TNRC6A: variants seen among roughly 807,000 people sequenced by gnomAD.
TNRC6A encodes trinucleotide repeat containing adaptor 6A, also known as trinucleotide repeat-containing gene 6A protein.
TNRC6A carries 44 observed loss-of-function variants against 221.2 expected under a neutral mutation model. That is an observed-to-expected ratio of 0.20 (90% CI 0.16 to 0.26). TNRC6A has a LOEUF of 0.26. Among genes scored for constraint, TNRC6A ranks in the 10% least tolerant of loss-of-function variants. The probability of loss-of-function intolerance (pLI) is 1.00; values close to 1 mark genes in which losing one functional copy is unlikely to be tolerated. For missense variants in TNRC6A, 2,199 were observed against 2,404.4 expected (o/e 0.91, Z 1.79); for synonymous variants, 847 against 838.5 (o/e 1.01, Z -0.18).
chr16:24,618,787 C>T (rs1366182450), intron 1 of TNRC6A, among the ~76,000 whole-genome samples: 2 of 149,916 alleles, frequency 1.3e-5, no homozygotes, highest in African/African-American at 4.9e-5. Flanking sequence ...CATGCCACCA[C>T]ACCTGGCTAT....
At chr16:24,700,242 CTTT>C (rs904319866) in intron 2 of TNRC6A, among the ~76,000 whole-genome samples, 4 of 148,888 alleles carry the variant, frequency 2.7e-5, no homozygotes, top group Admixed American at 1.3e-4. Flanking sequence ...CTGAATTTTT[CTTT>C]TTTTTTTTGA....
intron 4 of TNRC6A, among the ~76,000 whole-genome samples, chr16:24,762,909 C>T (rs191409660): frequency 5.9e-5 from 9 of 152,266 alleles, no homozygotes; most frequent in Non-Finnish European, 1.2e-4. Flanking sequence ...ACTAAAACAA[C>T]TCATCTTTTA....
At position 24,641,476 on chromosome 16, in the gene TNRC6A, C is replaced by T. The variant is rs568882265; in HGVS notation, n.402+467C>T. ...AGCTGGTAGGAGGGGTCTGCTGGAT[C>T]CGTATGGCATCACCTGGGTTAGTGG... On this transcript the variant is annotated intron_variant and non_coding_transcript_variant, in intron 2 of 2. Coordinates refer to the TNRC6A transcript ENST00000566108. Among the ~76,000 whole-genome samples, 51 of 152,170 alleles carry T rather than the reference C, an allele frequency of 3.4e-4. No individual in the cohort carries two copies. In the South Asian group the frequency reaches 0.01, roughly 30 times the overall value.
chr16:24,763,522 C>T (rs967163760), intron 4 of TNRC6A, among the ~76,000 whole-genome samples: 12 of 152,140 alleles, frequency 7.9e-5, no homozygotes, highest in Non-Finnish European at 1.5e-5. Flanking sequence ...TCATCACTGC[C>T]AGTATCATCC....
intron 2 of TNRC6A, among the ~76,000 whole-genome samples, chr16:24,686,767 T>C (rs779619957): frequency 6.6e-6 from 1 of 152,170 alleles, no homozygotes; most frequent in Non-Finnish European, 1.5e-5. Context: ...AGGGGTGGTA[T>C]GGCGTCACCG....
At chr16:24,625,417 G>A (rs1026059711) in intron 1 of TNRC6A, among the ~76,000 whole-genome samples, 1 of 151,972 alleles carries the variant, frequency 6.6e-6, no homozygotes, top group African/African-American at 2.4e-5. Context: ...TTCGAGACCA[G>A]CCTGACCAAC....
intron 2 of TNRC6A, among the ~76,000 whole-genome samples, chr16:24,699,201 C>G (rs1025937170): frequency 1.3e-5 from 2 of 152,114 alleles, no homozygotes; most frequent in African/African-American, 4.8e-5. Flanking sequence ...TGTGTATGTG[C>G]CATGAACTGG....
Position 24,729,750 on chromosome 16 carries a change from A to G in TNRC6A, c.-92A>G. 1 of 1,299,644 alleles carries G rather than the reference A, an allele frequency of 7.7e-7. No individual in the cohort carries two copies. Among genetic ancestry groups the G allele is most frequent in the Non-Finnish European group, 9.8e-7 (1 of 1,017,076 alleles). The allele number at this position is 1,299,644 out of a possible 1,614,324, so 80.5% of individuals were successfully genotyped here. On this transcript the variant is annotated 5_prime_UTR_variant, in exon 1 of 25. Transcript: ENST00000395799. ...TCGGTGTAGAAAATGGCGCTGGTGC[A>G]GCGGCTCGGGCCTCTCCCCGCGGCG...
In TNRC6A at chr16:24,777,285, G is replaced by A. The variant is rs1429786033; in HGVS notation, c.516G>A (p.Gln172=). The A allele has an allele frequency of 1.9e-6, 3 of 1,614,060 alleles. No individual in the cohort carries two copies. Among genetic ancestry groups the A allele is most frequent in the African/African-American group, 2.7e-5 (2 of 74,924 alleles). ...LGSAVKVLNS[Q]SESSALTNQQ... ...CTGCTGTTAAGGTGTTAAACAGCCA[G>A]TCAGAAAGCAGTGCTTTAACAAATC... Residue 172 remains glutamine (Q), a synonymous_variant, in exon 5 of 25, where the codon CAG becomes CAA. Coordinates refer to ENST00000395799, the MANE Select transcript of TNRC6A (RefSeq NM_014494.4).
intron 1 of TNRC6A, among the ~76,000 whole-genome samples, chr16:24,638,246 C>T (rs1901742953): frequency 6.7e-6 from 1 of 149,150 alleles, no homozygotes; most frequent in Non-Finnish European, 1.5e-5. Context: ...AGTGAGACCC[C>T]ATCTCTACCA....
chr16:24,751,086 A>G (rs1343341940), intron 3 of TNRC6A, among the ~76,000 whole-genome samples: 1 of 152,190 alleles, frequency 6.6e-6, no homozygotes, highest in Admixed American at 6.5e-5. Context: ...GTTTCATAAT[A>G]TATCATTTTA....
At position 24,823,831 on chromosome 16, in the gene TNRC6A, C is replaced by T; in HGVS notation, c.*24C>T. On this transcript the variant is annotated 3_prime_UTR_variant, in exon 25 of 25. Transcript: ENST00000395799. This position sits in a 1 kb window ranked among gnomAD's most constrained non-coding sequence, Gnocchi z 4.3. ...AACAGTGTAGATGCAGACTCACCGA[C>T]CGGGACCTCAGACGCGAGGGAAAGG... is the stretch of plus-strand genomic sequence containing the variant. The T allele has an allele frequency of 7.3e-7, 1 of 1,370,670 alleles. No homozygotes were observed. The highest frequency in any genetic ancestry group is 9.5e-7 in the Non-Finnish European group (1 of 1,056,996). The allele number at this position is 1,370,670 out of a possible 1,614,324, so 84.9% of individuals were successfully genotyped here. A position where few individuals can be genotyped will look rare whatever the true frequency, so the allele number is the denominator to read the frequency against.
At chr16:24,766,051 TG>T (rs760388571) in intron 4 of TNRC6A, among the ~76,000 whole-genome samples, 2 of 152,282 alleles carry the variant, frequency 1.3e-5, no homozygotes, top group South Asian at 2.1e-4. Context: ...GAAGTAGATA[TG>T]AAAAAAACAT....
At chr16:24,740,941 A>G (rs1454779909) in intron 2 of TNRC6A, among the ~76,000 whole-genome samples, 3 of 152,156 alleles carry the variant, frequency 2.0e-5, no homozygotes, top group Non-Finnish European at 4.4e-5. Flanking sequence ...AGTGTCCTCA[A>G]GATTTGTCCA....
chr16:24,651,559 A>AC (rs1567326221), intron 2 of TNRC6A, among the ~76,000 whole-genome samples: 2 of 139,928 alleles, frequency 1.4e-5, no homozygotes, highest in Non-Finnish European at 3.1e-5. Flanking sequence ...AAAAAAAAAA[A>AC]AAAAACATAA....
intron 2 of TNRC6A, among the ~76,000 whole-genome samples, chr16:24,722,426 T>TTTAC (rs201621104): frequency 2.6e-5 from 2 of 77,886 alleles, no homozygotes; most frequent in African/African-American, 1.1e-4. Context: ...TATTTATTTA[T>TTTAC]TTACTTATTT....
At chr16:24,661,032 C>A (rs964008255) in intron 2 of TNRC6A, among the ~76,000 whole-genome samples, 1 of 152,028 alleles carries the variant, frequency 6.6e-6, no homozygotes, top group African/African-American at 2.4e-5. Context: ...TGAGCCACCA[C>A]GCCCTGCCCA....
At chr16:24,626,806 C>T (rs1901028953) in intron 1 of TNRC6A, among the ~76,000 whole-genome samples, 3 of 151,846 alleles carry the variant, frequency 2.0e-5, no homozygotes, top group South Asian at 2.1e-4. Flanking sequence ...CCCACCACCA[C>T]GCCCGGCTAA....
At chr16:24,651,554 A>C (rs984501251) in intron 2 of TNRC6A, among the ~76,000 whole-genome samples, 7 of 148,180 alleles carry the variant, frequency 4.7e-5, no homozygotes, top group African/African-American at 1.2e-4. Flanking sequence ...AAAAAAAAAA[A>C]AAAAAAAAAA....
Sources: gnomAD v4.1 joint callset for allele counts (sites outside exome capture counted in the v4.1 genomes callset) on GRCh38, gnomAD v4.1.1 for gene constraint, Gnocchi (gnomAD v3.1) non-coding constraint, MANE v1.5 for transcripts, NCBI Gene and HGNC (gene_info 2026-07-23, HGNC 2026-07-21) for gene names.